Variants in NWD2 observed in about 807,000 individuals in gnomAD.
NWD2 encodes NACHT and WD repeat domain-containing protein 2.
A neutral mutation model predicts 132.7 loss-of-function variants in NWD2; 37 were observed. The observed-to-expected ratio is 0.28, with a 90% confidence interval of 0.21 to 0.37. NWD2 has a LOEUF of 0.37. NWD2 is among the 10% of genes least tolerant of loss of function. NWD2 has a pLI of 1.00. For missense variants in NWD2, 1,592 were observed against 2,122.4 expected, an observed-to-expected ratio of 0.75 and a Z score of 4.91; for synonymous variants, 705 against 803.0, an observed-to-expected ratio of 0.88 and a Z score of 2.06.
intron 3 of NWD2, among the ~76,000 whole-genome samples, chr4:37,373,132 T>C (rs1720264969): frequency 6.6e-6 from 1 of 152,240 alleles, no homozygotes; most frequent in Non-Finnish European, 1.5e-5. Context: ...ATTTTGCATA[T>C]AGTAATTCAT....
chr4:37,255,606 G>A (rs148117899), intron 1 of NWD2, among the ~76,000 whole-genome samples: 2,184 of 152,280 alleles, frequency 0.014, 21 homozygotes, highest in Non-Finnish European at 0.023. Flanking sequence ...GAATATCTTG[G>A]GCACAAAGTT....
intron 2 of NWD2, among the ~76,000 whole-genome samples, chr4:37,337,690 C>T (rs1243142596): frequency 6.6e-6 from 1 of 152,194 alleles, no homozygotes; most frequent in East Asian, 1.9e-4. Flanking sequence ...CCCTAAACCC[C>T]CAATGAGAGT....
At chr4:37,410,520 A>G (rs11945781) in intron 3 of NWD2, among the ~76,000 whole-genome samples, 55,735 of 151,900 alleles carry the variant, frequency 0.37, 10,516 homozygotes, top group East Asian at 0.58. Flanking sequence ...GACACCTACA[A>G]AGAGACTTAG....
chr4:37,413,360 A>G (rs959580533), intron 3 of NWD2, among the ~76,000 whole-genome samples: 1 of 151,620 alleles, frequency 6.6e-6, no homozygotes, highest in African/African-American at 2.4e-5. Context: ...GCCAACAGAC[A>G]TATGAAAAAA....
rs1390566488 is a variant in NWD2, at chr4:37,445,691, A to G, written c.3703A>G (p.Ile1235Val). ...CAGAGCCAAGCACAACGAACGCTTT[A>G]TATCTGCCGTGCTGTCTAAAAATGG... ...KFRAKHNERF[I>V]SAVLSKNGDC... The change falls in exon 7 of 7, where the codon ATA (isoleucine) becomes GTA (valine). Residue 1235 changes from isoleucine (I) to valine (V), a missense_variant. Physicochemically the swap from Ile to Val is conservative, Grantham distance 29. Transcript: ENST00000309447. The surrounding 1 kb of genome is among the most constrained non-coding windows in gnomAD (Gnocchi z 4.7). 2 of 1,552,010 alleles carry G rather than the reference A, an allele frequency of 1.3e-6. No individual in the cohort carries two copies. Among genetic ancestry groups the G allele is most frequent in the Admixed American group, 3.9e-5 (2 of 51,004 alleles).
intron 5 of NWD2, among the ~76,000 whole-genome samples, chr4:37,437,446 C>A (rs1162636707): frequency 2.6e-5 from 4 of 152,144 alleles, no homozygotes; most frequent in African/African-American, 9.7e-5. Flanking sequence ...CACACTGAAA[C>A]CTAATCAGGT....
intron 1 of NWD2, among the ~76,000 whole-genome samples, chr4:37,291,199 T>C (rs968335495): frequency 1.3e-5 from 2 of 152,074 alleles, no homozygotes; most frequent in Non-Finnish European, 2.9e-5. Context: ...CCTTTGTACC[T>C]CTTTGATTTT....
intron 3 of NWD2, among the ~76,000 whole-genome samples, chr4:37,369,564 T>A (rs1720173829): frequency 6.6e-6 from 1 of 151,854 alleles, no homozygotes; most frequent in Non-Finnish European, 1.5e-5. Flanking sequence ...TAACCAAGAG[T>A]GAATAAAGAA....
At chr4:37,257,298 T>A (rs1385542058) in intron 1 of NWD2, among the ~76,000 whole-genome samples, 1 of 152,196 alleles carries the variant, frequency 6.6e-6, no homozygotes, top group Non-Finnish European at 1.5e-5. Context: ...CTGATTTGGT[T>A]TTGTTATGCA....
At chr4:37,280,669 G>C (rs1405503767) in intron 1 of NWD2, among the ~76,000 whole-genome samples, 1 of 152,122 alleles carries the variant, frequency 6.6e-6, no homozygotes, top group African/African-American at 2.4e-5. Flanking sequence ...TAACTCTAGA[G>C]GGTTTAAGAA....
intron 3 of NWD2, among the ~76,000 whole-genome samples, chr4:37,412,948 A>G (rs901527605): frequency 6.6e-6 from 1 of 152,166 alleles, no homozygotes; most frequent in African/African-American, 2.4e-5. Context: ...CTGAAACTGG[A>G]CCCCTTCCTT....
chr4:37,246,433 A>G (rs558833759), intron 1 of NWD2, among the ~76,000 whole-genome samples: 2 of 152,340 alleles, frequency 1.3e-5, no homozygotes, highest in South Asian at 4.1e-4. Context: ...AGTATTAGAA[A>G]GACGATATAC....
intron 3 of NWD2, among the ~76,000 whole-genome samples, chr4:37,394,802 T>TTTTTTTGTTTTGTTTTG (rs1483106717): frequency 1.1e-5 from 1 of 90,528 alleles, no homozygotes; most frequent in Non-Finnish European, 2.3e-5. Flanking sequence ...CTTTATGGTT[T>TTTTTTTGTTTTGTTTTG]TTTTTTTTTT....
intron 1 of NWD2, among the ~76,000 whole-genome samples, chr4:37,296,437 A>G (rs1490666858): frequency 6.6e-6 from 1 of 152,176 alleles, no homozygotes; most frequent in Non-Finnish European, 1.5e-5. Context: ...TGTGGAACCA[A>G]TCCAAGTGCC....
chr4:37,386,970 T>G (rs1248586983), intron 3 of NWD2, among the ~76,000 whole-genome samples: 3 of 152,212 alleles, frequency 2.0e-5, no homozygotes, highest in Non-Finnish European at 4.4e-5. Flanking sequence ...CCATGCTTCT[T>G]GTACAGCCTG....
chr4:37,247,370 G>A (rs1161992246), intron 1 of NWD2, among the ~76,000 whole-genome samples: 1 of 152,144 alleles, frequency 6.6e-6, no homozygotes, highest in East Asian at 1.9e-4. Context: ...GGCCAATACT[G>A]AAGAGCCTCT....
At chr4:37,318,015 T>C in intron 1 of NWD2, among the ~76,000 whole-genome samples, 1 of 129,000 alleles carries the variant, frequency 7.8e-6, no homozygotes, top group Admixed American at 7.7e-5. Context: ...TTTTCTTTTT[T>C]CTTTCTTTTT....
chr4:37,270,267 C>A (rs1226074575), intron 1 of NWD2, among the ~76,000 whole-genome samples: 1 of 151,784 alleles, frequency 6.6e-6, no homozygotes, highest in African/African-American at 2.4e-5. Context: ...TACACCAAAT[C>A]AAATAGTATA....
At chr4:37,247,666 G>C (rs1468294417) in intron 1 of NWD2, among the ~76,000 whole-genome samples, 1 of 151,926 alleles carries the variant, frequency 6.6e-6, no homozygotes, top group Non-Finnish European at 1.5e-5. Flanking sequence ...CTGGAGTGCA[G>C]TGGCGCAATC....
Sources: gnomAD v4.1 joint callset for allele counts (sites outside exome capture counted in the v4.1 genomes callset) on GRCh38, gnomAD v4.1.1 for gene constraint, Gnocchi (gnomAD v3.1) non-coding constraint, MANE v1.5 for transcripts, NCBI Gene and HGNC (gene_info 2026-07-23, HGNC 2026-07-21) for gene names.